The following MKLN1 variants were observed in gnomAD, a reference collection of about 807,000 sequenced individuals.
MKLN1 encodes muskelin 1.
Under a neutral mutation model 99.0 loss-of-function variants are expected in MKLN1, and 18 were observed. The observed-to-expected ratio is 0.18, with a 90% CI of 0.13 to 0.27. The LOEUF is 0.27. MKLN1 is among the 10% of genes least tolerant of loss of function. The pLI is 1.00. For synonymous variants in MKLN1, 288 were observed against 293.2 expected (o/e 0.98, Z 0.18); for missense variants, 621 against 875.9 (o/e 0.71, Z 3.67).
intron 6 of MKLN1, among the ~76,000 whole-genome samples, chr7:131,407,705 T>C (rs1349708089): frequency 6.6e-6 from 1 of 151,436 alleles, no homozygotes; most frequent in Non-Finnish European, 1.5e-5. Context: ...TTTTTCATAA[T>C]TTTTGCTCAT....
chr7:131,309,409 T>A (rs527451014), intron 3 of MKLN1, among the ~76,000 whole-genome samples: 116 of 150,168 alleles, frequency 7.7e-4, no homozygotes, highest in African/African-American at 2.6e-3. Flanking sequence ...ACAAGTGGAT[T>A]TTTTTTTTTG....
Position 131,375,511 on chromosome 7 carries a change from C to T in MKLN1, c.168+18C>T. 3 of 1,503,728 alleles carry T rather than the reference C, an allele frequency of 2.0e-6. No individual in the cohort carries two copies. The East Asian group carries it at 6.8e-5, about 34-fold the overall frequency. The allele number at this position is 1,503,728 out of a possible 1,614,324, so 93.1% of individuals were successfully genotyped here. ...CTCCCCAGGTAAGATTACATGTATCCCTTAATGCTGTTTAGAAGTCACCAT... is the reference window on the plus strand; with the variant it reads ...CTCCCCAGGTAAGATTACATGTATCTCTTAATGCTGTTTAGAAGTCACCAT... On this transcript the variant is annotated intron_variant, in intron 2 of 17. Transcript: ENST00000352689.
At chr7:131,254,168 C>T (rs952664962) in intron 3 of MKLN1, among the ~76,000 whole-genome samples, 4 of 152,024 alleles carry the variant, frequency 2.6e-5, no homozygotes, top group Admixed American at 6.6e-5. Flanking sequence ...ATTGCCATCC[C>T]GAGGGGGCTG....
chr7:131,479,163 T>A (rs1797050715), intron 17 of MKLN1, among the ~76,000 whole-genome samples: 3 of 152,202 alleles, frequency 2.0e-5, no homozygotes, highest in African/African-American at 7.2e-5. Flanking sequence ...TCAAGATAAC[T>A]TCTGGTTGAA....
intron 3 of MKLN1, among the ~76,000 whole-genome samples, chr7:131,224,882 G>A (rs555270615): frequency 6.6e-6 from 1 of 151,418 alleles, no homozygotes; most frequent in Non-Finnish European, 1.5e-5. Context: ...GACCATCCTG[G>A]CTAACATGGT....
At position 131,476,984 on chromosome 7, in the gene MKLN1, G is replaced by C. The variant is rs143273255; in HGVS notation, c.2032-1639G>C. Among the ~76,000 whole-genome samples, 654 of 152,230 alleles carry C rather than the reference G, an allele frequency of 4.3e-3. 2 individuals are homozygous for C. Among genetic ancestry groups the C allele is most frequent in the Non-Finnish European group, 3.6e-3 (242 of 67,994 alleles). ...AGGGTACCAAGTCCAACGGGGAAAA[G>C]AAAGTTTTTAACAAATGATACTGAA... On this transcript the variant is annotated intron_variant, in intron 16 of 17. Coordinates refer to ENST00000352689, the MANE Select transcript of MKLN1 (RefSeq NM_013255.5).
intron 12 of MKLN1, among the ~76,000 whole-genome samples, chr7:131,451,392 G>A (rs1215388056): frequency 6.6e-6 from 1 of 151,948 alleles, no homozygotes; most frequent in African/African-American, 2.4e-5. Flanking sequence ...AAATGGGATT[G>A]TTTGAGCTCA....
At chr7:131,452,544 CTTTTTTTTTTTTTT>C (rs1159344518) in intron 12 of MKLN1, among the ~76,000 whole-genome samples, 10 of 70,360 alleles carry the variant, frequency 1.4e-4, no homozygotes, top group African/African-American at 5.4e-4. Flanking sequence ...TCCTTTTATA[CTTTTTTTTTTTTTT>C]TTTTTTTTTT....
intron 1 of MKLN1, among the ~76,000 whole-genome samples, chr7:131,339,107 A>T (rs1230510269): frequency 6.6e-6 from 1 of 152,236 alleles, no homozygotes. Flanking sequence ...TATTCATGTT[A>T]TTGATAAGGC....
intron 2 of MKLN1, among the ~76,000 whole-genome samples, chr7:131,195,582 T>G (rs545240587): frequency 1.3e-5 from 2 of 152,272 alleles, no homozygotes; most frequent in East Asian, 3.9e-4. Flanking sequence ...ACTTTGCCTT[T>G]TTTTCCTCCT....
intron 9 of MKLN1, among the ~76,000 whole-genome samples, chr7:131,435,889 CTTTA>C (rs1395474392): frequency 6.6e-5 from 10 of 151,582 alleles, no homozygotes; most frequent in Non-Finnish European, 2.9e-5. Flanking sequence ...ATTGATTTAT[CTTTA>C]TTTCTTTTTT....
intron 16 of MKLN1, among the ~76,000 whole-genome samples, chr7:131,474,131 C>G (rs1264470108): frequency 1.3e-5 from 2 of 152,126 alleles, no homozygotes; most frequent in African/African-American, 4.8e-5. Context: ...GCCTGGGCAA[C>G]AAGGAGTTAC....
rs530789345 is a variant in MKLN1, at chr7:131,341,932, A to G, written c.98+13935A>G. Among the ~76,000 whole-genome samples the G allele has an allele frequency of 7.1e-4, 108 of 152,334 alleles. 1 individual carries two copies. The highest frequency in any genetic ancestry group is 6.8e-3 in the Middle Eastern group (2 of 294). On this transcript the variant is annotated intron_variant, in intron 1 of 17. Coordinates refer to ENST00000352689, the MANE Select transcript of MKLN1 (RefSeq NM_013255.5). Reference sequence around the variant, plus strand: ...TGCATCTCAGTTCCTTACAGGAACCAGTACTGGTCTGTGGCCTGGGGGTTT... The same window carrying G: ...TGCATCTCAGTTCCTTACAGGAACCGGTACTGGTCTGTGGCCTGGGGGTTT...
At chr7:131,371,539 A>G (rs1213203649) in intron 1 of MKLN1, among the ~76,000 whole-genome samples, 1 of 152,144 alleles carries the variant, frequency 6.6e-6, no homozygotes, top group Non-Finnish European at 1.5e-5. Context: ...CCAGATAGCC[A>G]ATTGCCATAT....
At chr7:131,129,276 T>C (rs529358572) in intron 1 of MKLN1, among the ~76,000 whole-genome samples, 1 of 152,300 alleles carries the variant, frequency 6.6e-6, no homozygotes, top group African/African-American at 2.4e-5. Context: ...TAAATTGGTA[T>C]AAACCTTCTG....
chr7:131,367,303 A>G (rs999785387), intron 1 of MKLN1, among the ~76,000 whole-genome samples: 10 of 152,202 alleles, frequency 6.6e-5, no homozygotes, highest in African/African-American at 1.9e-4. Context: ...TCTATTTTCA[A>G]TTCTTCTTAA....
intron 8 of MKLN1, among the ~76,000 whole-genome samples, chr7:131,424,220 T>A (rs1208771841): frequency 5.3e-5 from 8 of 152,204 alleles, no homozygotes; most frequent in Admixed American, 5.2e-4. Flanking sequence ...AAACCTTTTT[T>A]TAAAAAATTT....
chr7:131,270,623 T>C (rs1461760965), intron 3 of MKLN1, among the ~76,000 whole-genome samples: 6 of 152,246 alleles, frequency 3.9e-5, no homozygotes, highest in Non-Finnish European at 8.8e-5. Context: ...TCTTCATTCA[T>C]CTATTTATTC....
chr7:131,246,529 A>C (rs1018602156), intron 3 of MKLN1, among the ~76,000 whole-genome samples: 1 of 152,044 alleles, frequency 6.6e-6, no homozygotes, highest in Non-Finnish European at 1.5e-5. Flanking sequence ...TTGTTCGTTC[A>C]TGTCCTTTGC....
Sources: gnomAD v4.1 joint callset for allele counts (sites outside exome capture counted in the v4.1 genomes callset) on GRCh38, gnomAD v4.1.1 for gene constraint, MANE v1.5 for transcripts, NCBI Gene and HGNC (gene_info 2026-07-23, HGNC 2026-07-21) for gene names.